CACNA2D3: variants seen among roughly 807,000 people sequenced by gnomAD.
The protein encoded by CACNA2D3 is calcium voltage-gated channel auxiliary subunit alpha2delta 3.
A neutral mutation model predicts 160.6 loss-of-function variants in CACNA2D3; 60 were observed. The ratio of observed to expected loss-of-function variants is 0.37; its 90% CI spans 0.30 to 0.46. CACNA2D3 has a LOEUF of 0.46. Among genes scored for constraint, CACNA2D3 ranks in the 20% least tolerant of loss-of-function variants. The pLI is 1.00. For missense variants in CACNA2D3, 1,205 were observed against 1,365.0 expected (o/e 0.88, Z 1.85); for synonymous variants, 558 against 492.9 (o/e 1.13, Z -1.75).
intron 11 of CACNA2D3, among the ~76,000 whole-genome samples, chr3:54,693,811 AT>A (rs1281798552): frequency 6.6e-6 from 1 of 152,160 alleles, no homozygotes; most frequent in African/African-American, 2.4e-5. Context: ...AAAATTAAAA[AT>A]TTTAAAAGTA....
intron 4 of CACNA2D3, among the ~76,000 whole-genome samples, chr3:54,443,886 T>G (rs895440426): frequency 6.6e-6 from 1 of 152,208 alleles, no homozygotes; most frequent in African/African-American, 2.4e-5. Context: ...AACATGCTGC[T>G]GTTTTGTTTT....
intron 2 of CACNA2D3, among the ~76,000 whole-genome samples, chr3:54,190,170 G>C (rs561306114): frequency 6.6e-6 from 1 of 152,286 alleles, no homozygotes; most frequent in Admixed American, 6.5e-5. Flanking sequence ...GAGCCCTCAT[G>C]ATCTAATCAT....
In CACNA2D3 at chr3:54,956,960, G is replaced by T. The variant is rs184060982; in HGVS notation, c.2450-11490G>T. ...GTAACTTCTTAGTAGGAGACTTGAGGCCCATAACTTTCTTCTATGACCCTT... is the reference window on the plus strand; with the variant it reads ...GTAACTTCTTAGTAGGAGACTTGAGTCCCATAACTTTCTTCTATGACCCTT... On this transcript the variant is annotated intron_variant, in intron 27 of 37. Transcript: ENST00000474759. Among the ~76,000 whole-genome samples, 28 of 152,076 alleles carry T rather than the reference G, an allele frequency of 1.8e-4. 1 individual carries two copies. In the East Asian group the frequency reaches 2.5e-3, roughly 14 times the overall value.
At position 54,899,812 on chromosome 3, in the gene CACNA2D3, T is replaced by C. The variant is rs1700285140; in HGVS notation, c.2393T>C (p.Val798Ala). Reference protein sequence around the residue: ...STGPVNKSNVVTASTSIQLLD... With the variant: ...STGPVNKSNVATASTSIQLLD... ...GGACCAGTCAATAAAAGCAATGTGG[T>C]GACAGCAAGTACATCCATCCAGCTC... The change falls in exon 27 of 38, where the codon GTG (valine) becomes GCG (alanine). Residue 798 changes from valine (V) to alanine (A), a missense_variant. Val to Ala is a moderately conservative substitution (Grantham distance 64). Around this residue, in one of 3 missense-constraint regions of CACNA2D3, gnomAD observed 911 missense variants for 1,002.2 expected, o/e 0.91. Coordinates refer to ENST00000474759, the MANE Select transcript of CACNA2D3 (RefSeq NM_018398.3). The C allele has an allele frequency of 6.2e-7, 1 of 1,609,262 alleles. No homozygotes were observed. Among genetic ancestry groups the C allele is most frequent in the Non-Finnish European group, 8.5e-7 (1 of 1,177,918 alleles).
chr3:54,448,520 C>G (rs995982787), intron 4 of CACNA2D3, among the ~76,000 whole-genome samples: 2 of 152,160 alleles, frequency 1.3e-5, no homozygotes, highest in African/African-American at 4.8e-5. Flanking sequence ...TGGTTTCACC[C>G]AAAACACTGG....
intron 4 of CACNA2D3, among the ~76,000 whole-genome samples, chr3:54,489,131 AGT>A (rs1701066377): frequency 6.6e-6 from 1 of 152,160 alleles, no homozygotes; most frequent in Non-Finnish European, 1.5e-5. Flanking sequence ...CAGAGGCCAG[AGT>A]GAGCAGGGCC....
At chr3:54,609,009 G>A (rs1250672775) in intron 9 of CACNA2D3, among the ~76,000 whole-genome samples, 3 of 152,144 alleles carry the variant, frequency 2.0e-5, no homozygotes, top group Non-Finnish European at 4.4e-5. Flanking sequence ...AGCAATTGAG[G>A]GGGTGTTATG....
intron 35 of CACNA2D3, among the ~76,000 whole-genome samples, chr3:55,070,479 A>G (rs1704777925): frequency 6.6e-6 from 1 of 152,156 alleles, no homozygotes; most frequent in Admixed American, 6.5e-5. Flanking sequence ...GCCAACCTCC[A>G]GGAAGGGCTA....
chr3:54,792,306 C>G lies in CACNA2D3; in HGVS notation c.1381-24547C>G, dbSNP rs140057526. ...CTCTCACTCAGTCCCTTTGGTTCAC[C>G]TGTGGCATGCAGAATTTTGGGACTC... On this transcript the variant is annotated intron_variant, in intron 13 of 37. Transcript: ENST00000474759. Among the ~76,000 whole-genome samples, 49 of 152,252 alleles carry G rather than the reference C, an allele frequency of 3.2e-4. 1 individual carries two copies. The East Asian group carries it at 9.1e-3, about 28-fold the overall frequency.
intron 2 of CACNA2D3, among the ~76,000 whole-genome samples, chr3:54,195,432 A>T (rs1165465755): frequency 6.6e-6 from 1 of 152,252 alleles, no homozygotes. Context: ...TGACACAGAG[A>T]TGCAATGATA....
chr3:54,750,563 A>AGT (rs1343246465), intron 11 of CACNA2D3, among the ~76,000 whole-genome samples: 1 of 152,138 alleles, frequency 6.6e-6, no homozygotes, highest in Non-Finnish European at 1.5e-5. Context: ...AGCAGATACC[A>AGT]GTGCTATCCT....
At chr3:54,467,006 A>T (rs1422497818) in intron 4 of CACNA2D3, among the ~76,000 whole-genome samples, 1 of 152,208 alleles carries the variant, frequency 6.6e-6, no homozygotes, top group Non-Finnish European at 1.5e-5. Context: ...CAATACTAAG[A>T]ATCAACTTTA....
intron 11 of CACNA2D3, among the ~76,000 whole-genome samples, chr3:54,690,988 G>A (rs1200079654): frequency 1.3e-5 from 2 of 152,082 alleles, no homozygotes; most frequent in Admixed American, 6.6e-5. Flanking sequence ...CCTACAAATG[G>A]CAAGGAAGTA....
intron 27 of CACNA2D3, among the ~76,000 whole-genome samples, chr3:54,939,371 T>G (rs1358090267): frequency 6.6e-6 from 1 of 152,230 alleles, no homozygotes; most frequent in East Asian, 1.9e-4. Context: ...CTGCCGGACT[T>G]CAAAGCCTTT....
intron 4 of CACNA2D3, among the ~76,000 whole-genome samples, chr3:54,486,619 G>C (rs1340260042): frequency 6.6e-6 from 1 of 152,162 alleles, no homozygotes; most frequent in African/African-American, 2.4e-5. Context: ...GTTAGGCTTT[G>C]TTCTCAGAAG....
At chr3:54,705,191 A>C (rs1016877655) in intron 11 of CACNA2D3, among the ~76,000 whole-genome samples, 1 of 152,178 alleles carries the variant, frequency 6.6e-6, no homozygotes, top group East Asian at 1.9e-4. Flanking sequence ...ACATTTTGCC[A>C]TATCAATTTC....
chr3:54,773,116 C>T (rs1702349509), intron 13 of CACNA2D3, among the ~76,000 whole-genome samples: 1 of 152,190 alleles, frequency 6.6e-6, no homozygotes, highest in Non-Finnish European at 1.5e-5. Flanking sequence ...GTTGCATTTG[C>T]AAATTGGACC....
chr3:54,440,953 G>A (rs1437698961), intron 4 of CACNA2D3, among the ~76,000 whole-genome samples: 1 of 152,196 alleles, frequency 6.6e-6, no homozygotes, highest in African/African-American at 2.4e-5. Context: ...ACATACGTGT[G>A]CATGTGTCTT....
At chr3:54,275,824 G>T (rs1702727178) in intron 2 of CACNA2D3, among the ~76,000 whole-genome samples, 2 of 152,094 alleles carry the variant, frequency 1.3e-5, no homozygotes, top group South Asian at 2.1e-4. Context: ...CATCATATTG[G>T]CCAGGCTGGT....
Sources: gnomAD v4.1 joint callset for allele counts (sites outside exome capture counted in the v4.1 genomes callset) on GRCh38, gnomAD v4.1.1 for gene constraint, gnomAD v4.1.1 regional missense constraint, MANE v1.5 for transcripts, NCBI Gene and HGNC (gene_info 2026-07-23, HGNC 2026-07-21) for gene names.